Variants in PLCL1 observed in about 807,000 individuals in gnomAD.
PLCL1 encodes the protein inactive phospholipase C-like protein 1.
A neutral mutation model predicts 84.4 loss-of-function variants in PLCL1; 41 were observed. That is an observed-to-expected ratio of 0.49 (90% CI 0.38 to 0.63). PLCL1 has a LOEUF of 0.63. Among genes scored for constraint, PLCL1 ranks in the 30% least tolerant of loss-of-function variants. The pLI, the probability that PLCL1 is intolerant of heterozygous loss-of-function variation, is 0.00. For synonymous variants in PLCL1, 490 were observed against 488.3 expected, an observed-to-expected ratio of 1.00 and a Z score of -0.05; for missense variants, 1,206 against 1,367.8, an observed-to-expected ratio of 0.88 and a Z score of 1.87.
chr2:197,961,548 C>T lies in PLCL1; in HGVS notation c.241-122210C>T, dbSNP rs201225721. 7.2e-5 allele frequency among the ~76,000 whole-genome samples: 11 copies of T among 152,060 alleles called. No homozygotes were observed. The East Asian group carries it at 1.9e-3, about 27-fold the overall frequency. Reference sequence around the variant, plus strand: ...TATACTTAATACTAGTTTTGTGCTTCCTATGGTATCTTTTGGAATAACCTT... The same window carrying T: ...TATACTTAATACTAGTTTTGTGCTTTCTATGGTATCTTTTGGAATAACCTT... On this transcript the variant is annotated intron_variant, in intron 1 of 5. Coordinates refer to ENST00000428675, the MANE Select transcript of PLCL1 (RefSeq NM_006226.4).
At chr2:197,927,332 C>G (rs1688850492) in intron 1 of PLCL1, among the ~76,000 whole-genome samples, 1 of 152,110 alleles carries the variant, frequency 6.6e-6, no homozygotes, top group African/African-American at 2.4e-5. Flanking sequence ...AATTCTGTCT[C>G]CATTCATTGC....
At chr2:197,972,451 T>C (rs546680946) in intron 1 of PLCL1, among the ~76,000 whole-genome samples, 15 of 152,334 alleles carry the variant, frequency 9.8e-5, no homozygotes, top group African/African-American at 3.4e-4. Context: ...TTCAATTACA[T>C]GTCTGACAGC....
At chr2:197,962,427 G>A (rs1162979974) in intron 1 of PLCL1, among the ~76,000 whole-genome samples, 4 of 151,976 alleles carry the variant, frequency 2.6e-5, no homozygotes, top group African/African-American at 7.2e-5. Context: ...GGTAACTAAC[G>A]TAAACTAATT....
intron 5 of PLCL1, among the ~76,000 whole-genome samples, chr2:198,138,171 T>TTTTTG (rs1036600079): frequency 3.3e-5 from 5 of 152,300 alleles, no homozygotes; most frequent in African/African-American, 9.6e-5. Context: ...AAAAGAGGTT[T>TTTTTG]TTTTGTTTTG....
Position 197,933,732 on chromosome 2 carries a change from G to T in PLCL1, c.240+128393G>T, listed in dbSNP as rs572665140. On this transcript the variant is annotated intron_variant, in intron 1 of 5. Coordinates refer to ENST00000428675, the MANE Select transcript of PLCL1 (RefSeq NM_006226.4). ...AATGTTTCTTAAGGGTGGGAAGAAG[G>T]TTCTTGATGTGATACAGTACAGAGC... is the stretch of plus-strand genomic sequence containing the variant. 5.9e-5 allele frequency among the ~76,000 whole-genome samples: 9 copies of T among 152,122 alleles called. No homozygotes were observed. The East Asian group carries it at 1.4e-3, about 23-fold the overall frequency.
chr2:197,859,065 A>G (rs972347034), intron 1 of PLCL1, among the ~76,000 whole-genome samples: 1 of 152,176 alleles, frequency 6.6e-6, no homozygotes, highest in Non-Finnish European at 1.5e-5. Context: ...GCTGCATTCT[A>G]TTCATCAAAG....
chr2:197,806,732 AAC>A lies in PLCL1; in HGVS notation c.240+1397_240+1398del, dbSNP rs1690493917. 3.9e-5 allele frequency among the ~76,000 whole-genome samples: 6 copies of A among 152,322 alleles called. No homozygotes were observed. In the South Asian group the frequency reaches 1.2e-3, roughly 32 times the overall value. Reference sequence around the variant, plus strand: ...AACTTAAAAAACATCACAATTAGGAAACACATACATTTTGGATTCTACTGTAT... The same window carrying A: ...AACTTAAAAAACATCACAATTAGGAAACATACATTTTGGATTCTACTGTAT... On this transcript the variant is annotated intron_variant, in intron 1 of 5. Transcript: ENST00000428675.
At chr2:197,933,296 C>G (rs1240512829) in intron 1 of PLCL1, among the ~76,000 whole-genome samples, 1 of 131,284 alleles carries the variant, frequency 7.6e-6, no homozygotes, top group African/African-American at 2.9e-5. Context: ...CGGAGTCTCT[C>G]TCTGTTGCCC....
At chr2:198,096,953 A>G in intron 3 of PLCL1, among the ~76,000 whole-genome samples, 1 of 152,190 alleles carries the variant, frequency 6.6e-6, no homozygotes, top group East Asian at 1.9e-4. Context: ...GATGGGAAAG[A>G]GTTGTAGTTA....
At chr2:197,961,515 A>G (rs1252081142) in intron 1 of PLCL1, among the ~76,000 whole-genome samples, 1 of 152,028 alleles carries the variant, frequency 6.6e-6, no homozygotes, top group East Asian at 1.9e-4. Context: ...TCATAGAAAG[A>G]GAACTATTAT....
intron 1 of PLCL1, among the ~76,000 whole-genome samples, chr2:197,841,874 G>A (rs1261723997): frequency 1.3e-5 from 2 of 152,192 alleles, no homozygotes; most frequent in Non-Finnish European, 2.9e-5. Flanking sequence ...TAAGAACTGA[G>A]ACCCTTGCAA....
intron 1 of PLCL1, among the ~76,000 whole-genome samples, chr2:197,983,379 A>G (rs1471984711): frequency 6.6e-6 from 1 of 150,442 alleles, no homozygotes; most frequent in Non-Finnish European, 1.5e-5. Flanking sequence ...ACAGGCGTGT[A>G]CCACCACGCT....
chr2:197,929,717 T>TGA (rs1245177427), intron 1 of PLCL1, among the ~76,000 whole-genome samples: 1 of 152,204 alleles, frequency 6.6e-6, no homozygotes, highest in South Asian at 2.1e-4. Flanking sequence ...TGAATTCTAA[T>TGA]GAGAGAGTTA....
chr2:197,835,321 A>T (rs986260512), intron 1 of PLCL1, among the ~76,000 whole-genome samples: 2 of 152,232 alleles, frequency 1.3e-5, no homozygotes, highest in Admixed American at 1.3e-4. Context: ...TAAAATGTGC[A>T]TAACAGAAAT....
intron 1 of PLCL1, among the ~76,000 whole-genome samples, chr2:197,984,024 C>G (rs958928606): frequency 1.6e-4 from 24 of 152,216 alleles, no homozygotes; most frequent in African/African-American, 5.8e-4. Context: ...ATACAACTAG[C>G]AGTTGTATTT....
chr2:197,997,692 A>G (rs1476729396), intron 1 of PLCL1, among the ~76,000 whole-genome samples: 1 of 152,176 alleles, frequency 6.6e-6, no homozygotes, highest in East Asian at 1.9e-4. Flanking sequence ...GTGATGCATT[A>G]TAGGTCTGAA....
chr2:197,997,112 G>C (rs1238099025), intron 1 of PLCL1, among the ~76,000 whole-genome samples: 2 of 152,192 alleles, frequency 1.3e-5, no homozygotes, highest in Non-Finnish European at 2.9e-5. Context: ...GCACTACTGT[G>C]GGGAGGGCAG....
chr2:197,982,518 G>A (rs2105805898), intron 1 of PLCL1, among the ~76,000 whole-genome samples: 2 of 152,136 alleles, frequency 1.3e-5, no homozygotes, highest in African/African-American at 4.8e-5. Flanking sequence ...CTTGGTACTA[G>A]ATCAGCTCTT....
intron 1 of PLCL1, among the ~76,000 whole-genome samples, chr2:197,887,952 T>C (rs1293131668): frequency 6.6e-6 from 1 of 151,792 alleles, no homozygotes; most frequent in Non-Finnish European, 1.5e-5. Context: ...AAAAATTAAG[T>C]GCGGTGGTGT....
Sources: allele counts gnomAD v4.1 joint callset (sites outside exome capture counted in the v4.1 genomes callset), GRCh38; gene constraint gnomAD v4.1.1; transcripts MANE v1.5; gene names NCBI Gene and HGNC (gene_info 2026-07-23, HGNC 2026-07-21).